Variants in TAOK1 observed in about 807,000 individuals in gnomAD.
The protein encoded by TAOK1 is TAO kinase 1.
Under a neutral mutation model 138.3 loss-of-function variants are expected in TAOK1, and 21 were observed. The ratio of observed to expected loss-of-function variants is 0.15; its 90% confidence interval spans 0.11 to 0.22. The LOEUF (loss-of-function observed/expected upper bound fraction) is 0.22. Ranked by LOEUF, TAOK1 falls within the 10% of genes least tolerant of loss-of-function variation. The pLI, the probability that TAOK1 is intolerant of heterozygous loss-of-function variation, is 1.00. For missense variants in TAOK1, 651 were observed against 1,227.7 expected, an observed-to-expected ratio of 0.53 and a Z score of 7.02; for synonymous variants, 361 against 398.4, an observed-to-expected ratio of 0.91 and a Z score of 1.12.
intron 1 of TAOK1, among the ~76,000 whole-genome samples, chr17:29,411,047 T>G (rs1406357045): frequency 2.0e-5 from 3 of 152,022 alleles, no homozygotes; most frequent in Non-Finnish European, 2.9e-5. Context: ...AATATCTGAT[T>G]TTTTACTTCT....
intron 8 of TAOK1, among the ~76,000 whole-genome samples, chr17:29,489,358 C>T (rs894966195): frequency 2.6e-4 from 40 of 152,042 alleles, no homozygotes; most frequent in Admixed American, 2.2e-3. Context: ...CTTAATTGGG[C>T]ATGGTGGTGC....
At chr17:29,510,650 T>A (rs550971508) in intron 14 of TAOK1, among the ~76,000 whole-genome samples, 1 of 152,298 alleles carries the variant, frequency 6.6e-6, no homozygotes, top group South Asian at 2.1e-4. Context: ...GAGATCAACA[T>A]TTCAAAGATG....
chr17:29,508,683 C>G (rs1215257862), intron 14 of TAOK1, among the ~76,000 whole-genome samples: 3 of 151,992 alleles, frequency 2.0e-5, no homozygotes, highest in Admixed American at 1.3e-4. Flanking sequence ...TTTCTGGCAG[C>G]ATTTTAATAT....
chr17:29,477,622 A>T, intron 4 of TAOK1, 39 bp from the exon 5 acceptor site: 2 of 1,100,722 alleles, frequency 1.8e-6, no homozygotes, highest in South Asian at 6.2e-5. Context: ...AAATCTTTAT[A>T]ATAATATATT....
intron 1 of TAOK1, among the ~76,000 whole-genome samples, chr17:29,394,150 GTTTTTTTTTTTTTT>G (rs58117433): frequency 2.7e-4 from 13 of 48,278 alleles, no homozygotes; most frequent in Admixed American, 1.6e-3. Context: ...TAATTTGCCA[GTTTTTTTTTTTTTT>G]TTTTTTTTTT....
chr17:29,502,805 G>T, intron 13 of TAOK1, 82 bp downstream of exon 13: 1 of 1,443,204 alleles, frequency 6.9e-7, no homozygotes, highest in Non-Finnish European at 9.3e-7. Flanking sequence ...GCTATATATT[G>T]TTTTGTATTT....
chr17:29,520,884 C>A (rs1016850895), intron 16 of TAOK1, among the ~76,000 whole-genome samples: 1 of 151,744 alleles, frequency 6.6e-6, no homozygotes, highest in East Asian at 2.0e-4. Context: ...ATTAGCCAGG[C>A]GTGGTGGCAC....
chr17:29,533,433 T>C (rs1208613379), intron 18 of TAOK1, among the ~76,000 whole-genome samples: 76 of 151,706 alleles, frequency 5.0e-4, no homozygotes, highest in African/African-American at 1.8e-3. Flanking sequence ...ACTTCCCAGA[T>C]GGGGTGGCGG....
chr17:29,509,532 G>A (rs866619728), intron 14 of TAOK1, among the ~76,000 whole-genome samples: 11 of 151,938 alleles, frequency 7.2e-5, no homozygotes, highest in East Asian at 1.9e-4. Context: ...GGGAAAAGGC[G>A]ATACTAACAT....
chr17:29,393,836 C>G (rs1424200289), intron 1 of TAOK1, among the ~76,000 whole-genome samples: 7 of 152,012 alleles, frequency 4.6e-5, no homozygotes, highest in African/African-American at 1.7e-4. Context: ...GATAGTATTG[C>G]AAACAAATTT....
intron 1 of TAOK1, among the ~76,000 whole-genome samples, chr17:29,443,827 T>C (rs2030007567): frequency 6.6e-6 from 1 of 152,192 alleles, no homozygotes; most frequent in Admixed American, 6.5e-5. Context: ...TTTTTAAACC[T>C]GATCTAGGCT....
intron 8 of TAOK1, among the ~76,000 whole-genome samples, chr17:29,487,530 GC>G (rs2031199200): frequency 6.6e-6 from 1 of 152,126 alleles, no homozygotes; most frequent in Admixed American, 6.5e-5. Flanking sequence ...TAGCACAACA[GC>G]CCCTTGGAGA....
intron 2 of TAOK1, among the ~76,000 whole-genome samples, chr17:29,464,383 G>A (rs1453645887): frequency 6.6e-6 from 1 of 150,676 alleles, no homozygotes; most frequent in Non-Finnish European, 1.5e-5. Context: ...GGCAGAGTTT[G>A]CAGTGAGCCA....
intron 2 of TAOK1, among the ~76,000 whole-genome samples, chr17:29,452,035 G>A (rs1012123709): frequency 1.3e-5 from 2 of 152,006 alleles, no homozygotes; most frequent in Non-Finnish European, 2.9e-5. Context: ...GGGCAACATG[G>A]TGAAACCCTG....
intron 14 of TAOK1, among the ~76,000 whole-genome samples, chr17:29,509,036 T>TA (rs1248083490): frequency 1.3e-5 from 2 of 152,184 alleles, no homozygotes; most frequent in East Asian, 3.8e-4. Flanking sequence ...AGAACATTCT[T>TA]ATAGTAGTAG....
At chr17:29,510,301 C>T (rs754428985) in intron 14 of TAOK1, among the ~76,000 whole-genome samples, 33 of 152,154 alleles carry the variant, frequency 2.2e-4, no homozygotes, top group Non-Finnish European at 1.8e-4. Flanking sequence ...CACTTGAACC[C>T]GGGAAGCGGA....
chr17:29,530,671 C>T (rs748691009), intron 18 of TAOK1, 52 bp downstream of exon 18: 2 of 1,445,216 alleles, frequency 1.4e-6, no homozygotes, highest in East Asian at 2.3e-5. Flanking sequence ...TTTTCTTCCA[C>T]CACCTGAACG....
chr17:29,539,991 G>A (rs1299388069), intron 19 of TAOK1, among the ~76,000 whole-genome samples: 1 of 152,154 alleles, frequency 6.6e-6, no homozygotes, highest in African/African-American at 2.4e-5. Flanking sequence ...GAGGGAAAGT[G>A]GGGCAAAGAA....
chr17:29,419,683 G>A (rs1905368735), intron 1 of TAOK1, among the ~76,000 whole-genome samples: 1 of 151,650 alleles, frequency 6.6e-6, no homozygotes, highest in African/African-American at 2.4e-5. Flanking sequence ...TAGTAGAGAT[G>A]AGGTCTTGCT....
Sources: allele counts gnomAD v4.1 joint callset (sites outside exome capture counted in the v4.1 genomes callset), GRCh38; gene constraint gnomAD v4.1.1; transcripts MANE v1.5; gene names NCBI Gene and HGNC (gene_info 2026-07-23, HGNC 2026-07-21).